The following YTHDC2 variants were observed in gnomAD, a reference collection of about 807,000 sequenced individuals.
The protein encoded by YTHDC2 is 3'-5' RNA helicase YTHDC2.
A neutral mutation model predicts 174.9 loss-of-function variants in YTHDC2; 45 were observed. The ratio of observed to expected loss-of-function variants is 0.26; its 90% CI spans 0.20 to 0.33. The LOEUF (loss-of-function observed/expected upper bound fraction) is 0.33. Among genes scored for constraint, YTHDC2 ranks in the 10% least tolerant of loss-of-function variants. YTHDC2 has a pLI of 1.00. For synonymous variants in YTHDC2, 657 were observed against 574.5 expected, an observed-to-expected ratio of 1.14 and a Z score of -2.05; for missense variants, 1,650 against 1,723.7, an observed-to-expected ratio of 0.96 and a Z score of 0.76.
intron 27 of YTHDC2, 120 bp downstream of exon 27, chr5:113,591,364 T>A: frequency 2.0e-6 from 2 of 987,620 alleles, no homozygotes; most frequent in Non-Finnish European, 3.1e-6. Flanking sequence ...TTTGCTTGAC[T>A]GAGAATAAGG....
At chr5:113,519,665 A>G (rs1048386710) in intron 2 of YTHDC2, among the ~76,000 whole-genome samples, 4 of 152,224 alleles carry the variant, frequency 2.6e-5, no homozygotes, top group African/African-American at 7.2e-5. Context: ...CTTAAAATCA[A>G]GATATCGGCA....
intron 4 of YTHDC2, among the ~76,000 whole-genome samples, chr5:113,531,682 G>C (rs966594318): frequency 6.6e-6 from 1 of 151,564 alleles, no homozygotes; most frequent in Non-Finnish European, 1.5e-5. Flanking sequence ...CCCACATCTG[G>C]ATGAACTAGT....
intron 23 of YTHDC2, among the ~76,000 whole-genome samples, chr5:113,570,429 A>T (rs1053614709): frequency 6.6e-6 from 1 of 151,952 alleles, no homozygotes; most frequent in Admixed American, 6.6e-5. Context: ...TTTTTGTTGC[A>T]ATTGTGAATG....
chr5:113,564,132 GTACTAT>G lies in YTHDC2; in HGVS notation c.2715+6_2715+11del, dbSNP rs768392178. 55 of 1,607,426 alleles carry G rather than the reference GTACTAT, an allele frequency of 3.4e-5. No homozygotes were observed. The highest frequency in any genetic ancestry group is 4.7e-5 in the Non-Finnish European group (55 of 1,175,690). On this transcript the variant is annotated splice_donor_variant and splice_donor_5th_base_variant and intron_variant, in intron 20 of 29. Transcript: ENST00000161863. LOFTEE classifies it high-confidence loss of function. ...TATGGCACTTCTCAGAGCATTCCAG[GTACTAT>G]TACTGTCATTTTATTTCTGAAGACG...
chr5:113,539,462 A>T (rs1393072558), intron 8 of YTHDC2, among the ~76,000 whole-genome samples: 2 of 152,222 alleles, frequency 1.3e-5, no homozygotes, highest in African/African-American at 4.8e-5. Flanking sequence ...AGAAGAATAT[A>T]TGCTGGCTGC....
rs914729438 is a variant in YTHDC2, at chr5:113,593,673, A to G, written c.*199A>G. The G allele has an allele frequency of 4.7e-6, 1 of 212,840 alleles. No homozygotes were observed. The highest frequency in any genetic ancestry group is 9.5e-5 in the East Asian group (1 of 10,560). The allele number at this position is 212,840 out of a possible 1,614,324, so 13.2% of individuals were successfully genotyped here. On this transcript the variant is annotated 3_prime_UTR_variant, in exon 30 of 30. Coordinates refer to ENST00000161863, the MANE Select transcript of YTHDC2 (RefSeq NM_022828.5). ...TATAGTGATTATAGAGAATGATTATATGATGTTTGTAATGAATAAAATAGT... is the reference window on the plus strand; with the variant it reads ...TATAGTGATTATAGAGAATGATTATGTGATGTTTGTAATGAATAAAATAGT...
intron 7 of YTHDC2, among the ~76,000 whole-genome samples, chr5:113,537,357 C>G (rs1775153168): frequency 8.4e-6 from 1 of 118,626 alleles, no homozygotes; most frequent in Admixed American, 8.9e-5. Context: ...GGTTGGCTCT[C>G]TCTCTTTTTT....
intron 10 of YTHDC2, 52 bp from the exon 11 acceptor site, chr5:113,548,489 G>A: frequency 6.6e-7 from 1 of 1,523,040 alleles, no homozygotes; most frequent in Non-Finnish European, 8.8e-7. Context: ...GAATGAAAAT[G>A]GTTTGAAGTA....
At chr5:113,570,769 G>T (rs6896469) in intron 23 of YTHDC2, among the ~76,000 whole-genome samples, 31,391 of 151,988 alleles carry the variant, frequency 0.21, 3,744 homozygotes, top group Admixed American at 0.34. Context: ...TGCTGCCTCA[G>T]CCTCCGGAGT....
chr5:113,566,121 G>T, intron 21 of YTHDC2, 102 bp downstream of exon 21: 1 of 1,281,732 alleles, frequency 7.8e-7, no homozygotes, highest in Non-Finnish European at 1.1e-6. Flanking sequence ...TTATTTTTAT[G>T]ACATTATCAT....
At position 113,567,112 on chromosome 5, in the gene YTHDC2, G is replaced by A. The variant is rs930662436; in HGVS notation, c.2863G>A (p.Gly955Ser). The change falls in exon 22 of 30, where the codon GGT becomes AGT. Residue 955 changes from glycine to serine, a missense_variant. Gly to Ser is a moderately conservative substitution (Grantham distance 56). This residue lies in a region of YTHDC2 where 913 missense variants were observed against 940.4 expected (regional missense o/e 0.97). Coordinates refer to ENST00000161863, the MANE Select transcript of YTHDC2 (RefSeq NM_022828.5). ...RASGFVRARG[G>S]GDIRDVNTNS... ...TCTAGGTTTTGTTAGAGCACGAGGTGGTGGTGACATTCGGGACGTTAACAC... is the reference window on the plus strand; with the variant it reads ...TCTAGGTTTTGTTAGAGCACGAGGTAGTGGTGACATTCGGGACGTTAACAC... 1 of 1,613,640 alleles carries A rather than the reference G, an allele frequency of 6.2e-7. No individual in the cohort carries two copies. The highest frequency in any genetic ancestry group is 8.5e-7 in the Non-Finnish European group (1 of 1,179,790).
At position 113,584,411 on chromosome 5, in the gene YTHDC2, C is replaced by G. The variant is rs55822801; in HGVS notation, c.3757C>G (p.Leu1253Val). The G allele has an allele frequency of 0.041, 65,921 of 1,613,280 alleles. 1,532 individuals carry two copies. The highest frequency in any genetic ancestry group is 0.045 in the Middle Eastern group (275 of 6,052). Residue 1253 changes from leucine (L) to valine (V), a missense_variant, in exon 26 of 30, where the codon CTG becomes GTG. Transcript: ENST00000161863. ...TGAGGACCGATCAGATCAGTCTTCT[C>G]TGAAATCTACAGACAGCAGTAGTTA... ...GTEDRSDQSS[L>V]KSTDSSSYPS...
At chr5:113,563,332 C>G in intron 18 of YTHDC2, 41 bp from the exon 19 acceptor site, 1 of 1,523,694 alleles carries the variant, frequency 6.6e-7, no homozygotes, top group Non-Finnish European at 8.9e-7. Flanking sequence ...GGTTAGTATT[C>G]TTTTTAATTT....
intron 4 of YTHDC2, among the ~76,000 whole-genome samples, chr5:113,527,949 C>G (rs1458391501): frequency 6.6e-6 from 1 of 152,100 alleles, no homozygotes; most frequent in Non-Finnish European, 1.5e-5. Context: ...CGCCACCACG[C>G]CTGACCCAGC....
chr5:113,514,986 T>A (rs1051398512), intron 1 of YTHDC2, among the ~76,000 whole-genome samples: 10 of 152,046 alleles, frequency 6.6e-5, no homozygotes, highest in African/African-American at 2.4e-4. Flanking sequence ...GTAAGAGGAG[T>A]CGTTTTTGGT....
intron 21 of YTHDC2, 108 bp from the exon 22 acceptor site, chr5:113,566,983 GA>G (rs769979094): frequency 4.3e-5 from 53 of 1,236,438 alleles, no homozygotes; most frequent in Non-Finnish European, 5.7e-5. Flanking sequence ...TAATTATCGT[GA>G]AATTTGAATA....
intron 20 of YTHDC2, among the ~76,000 whole-genome samples, chr5:113,564,835 A>G (rs947180297): frequency 3.3e-5 from 5 of 152,048 alleles, no homozygotes; most frequent in Non-Finnish European, 7.4e-5. Flanking sequence ...TTGTTTTTTG[A>G]GACAGTCTTG....
chr5:113,590,637 A>G lies in YTHDC2; in HGVS notation c.3826-404A>G, dbSNP rs116154116. Among the ~76,000 whole-genome samples the G allele has an allele frequency of 3.2e-3, 483 of 152,272 alleles. 2 individuals are homozygous for G. Among genetic ancestry groups the G allele is most frequent in the African/African-American group, 0.011 (463 of 41,554 alleles). On this transcript the variant is annotated intron_variant, in intron 26 of 29. Transcript: ENST00000161863. The stretch of plus-strand genomic sequence containing the variant: ...GTAGCCACTTCGGTCTCTGAACTCC[A>G]GTGTCTTTCTGCACAACTTAATGAG...
At chr5:113,542,619 A>T (rs534277085) in intron 10 of YTHDC2, 116 bp downstream of exon 10, 2 of 877,208 alleles carry the variant, frequency 2.3e-6, no homozygotes, top group Non-Finnish European at 3.3e-6. Flanking sequence ...TTATTTTTTA[A>T]AAGTATTTAT....
Sources: gnomAD v4.1 joint callset for allele counts (sites outside exome capture counted in the v4.1 genomes callset) on GRCh38, gnomAD v4.1.1 for gene constraint, gnomAD v4.1.1 regional missense constraint, MANE v1.5 for transcripts, NCBI Gene and HGNC (gene_info 2026-07-23, HGNC 2026-07-21) for gene names.